The following BAZ2A variants were observed in gnomAD, a reference collection of about 807,000 sequenced individuals.
The protein encoded by BAZ2A is bromodomain adjacent to zinc finger domain protein 2A.
A neutral mutation model predicts 199.9 loss-of-function variants in BAZ2A; 34 were observed. The observed-to-expected ratio is 0.17, with a 90% CI of 0.13 to 0.23. The LOEUF (loss-of-function observed/expected upper bound fraction) is 0.23. Ranked by LOEUF, BAZ2A falls within the 10% of genes least tolerant of loss-of-function variation. The pLI is 1.00. For missense variants in BAZ2A, 2,002 were observed against 2,391.1 expected, an observed-to-expected ratio of 0.84 and a Z score of 3.39; for synonymous variants, 857 against 883.9, an observed-to-expected ratio of 0.97 and a Z score of 0.54.
rs577644544 is a variant in BAZ2A at position 56,601,578 on chromosome 12, G to A, written c.4039C>T (p.Pro1347Ser). 5.6e-6 allele frequency: 9 copies of A among 1,613,588 alleles called. No homozygotes were observed. The African/African-American group carries it at 6.7e-5, about 12-fold the overall frequency. The change falls in exon 20 of 29, where the codon CCC (proline) becomes TCC (serine). Residue 1347 changes from proline (P) to serine (S), a missense_variant. Around this residue, in one of 6 missense-constraint regions of BAZ2A, gnomAD observed 1,081 missense variants for 1,274.7 expected, o/e 0.85. Transcript: ENST00000549884. Reference sequence around the variant, plus strand: ...GAGGAGGCAAGCTGCTGAGGGGAGGGAGTGGGTTGGTCCTCAGAAACTGCA... The same window carrying A: ...GAGGAGGCAAGCTGCTGAGGGGAGGAAGTGGGTTGGTCCTCAGAAACTGCA... ...PPAVSEDQPTPSPQQLASSKP... is the reference protein window; with the variant it reads ...PPAVSEDQPTSSPQQLASSKP...
Position 56,598,287 on chromosome 12 carries a change from G to A in BAZ2A, c.*331C>T. 2 of 286,970 alleles carry A rather than the reference G, an allele frequency of 7.0e-6. No homozygotes were observed. The highest frequency in any genetic ancestry group is 3.8e-5 in the South Asian group (1 of 26,274). 17.8% of individuals were successfully genotyped at this position (286,970 alleles called of 1,614,324 possible). A position where few individuals can be genotyped will look rare whatever the true frequency, so the allele number is the denominator to read the frequency against. ...GGGCACGTACAGGGGAGGAGAGGAA[G>A]CAGGGAGGAGGAAGTAGGGACGACT... On this transcript the variant is annotated 3_prime_UTR_variant, in exon 29 of 29. Coordinates refer to ENST00000549884, the MANE Select transcript of BAZ2A (RefSeq NM_001300905.2).
intron 1 of BAZ2A, among the ~76,000 whole-genome samples, chr12:56,625,249 C>G (rs1385962180): frequency 6.6e-6 from 1 of 150,898 alleles, no homozygotes; most frequent in Non-Finnish European, 1.5e-5. Context: ...TCCATCTCCC[C>G]GGTTCAAGCA....
chr12:56,621,521 C>G (rs184773641), intron 1 of BAZ2A, among the ~76,000 whole-genome samples: 4 of 152,250 alleles, frequency 2.6e-5, no homozygotes, highest in Non-Finnish European at 5.9e-5. Flanking sequence ...TATTTACTAG[C>G]TAGCTGTTTA....
upstream of BAZ2A, among the ~76,000 whole-genome samples, chr12:56,631,906 C>G (rs1951322448): frequency 6.6e-6 from 1 of 152,016 alleles, no homozygotes; most frequent in Admixed American, 6.6e-5. Context: ...CACCCCTCCA[C>G]CCCCCCACTA....
Position 56,600,764 on chromosome 12 carries a change from T to C in BAZ2A, c.4519A>G (p.Lys1507Glu). 6.2e-7 allele frequency: 1 copy of C among 1,613,862 alleles called. No homozygotes were observed. Among genetic ancestry groups the C allele is most frequent in the East Asian group, 2.2e-5 (1 of 44,876 alleles). Residue 1507 changes from lysine (K) to glutamate (E), a missense_variant, in exon 23 of 29, where the codon AAG becomes GAG. Lys to Glu is a moderately conservative substitution (Grantham distance 56). Coordinates refer to ENST00000549884, the MANE Select transcript of BAZ2A (RefSeq NM_001300905.2). ...ACTGCTAGGTCTGTCTCGTATGTCT[T>C]CTCTTTGGGGGACCAGCTCATAATC... ...EGIMSWSPKEKTYETDLAVLQ... is the reference protein window; with the variant it reads ...EGIMSWSPKEETYETDLAVLQ...
chr12:56,617,907 A>G (rs560026775), intron 1 of BAZ2A, among the ~76,000 whole-genome samples: 1 of 152,324 alleles, frequency 6.6e-6, no homozygotes, highest in East Asian at 1.9e-4. Context: ...TTTTGTTTTT[A>G]TCCCCAAGGT....
chr12:56,606,105 C>T (rs1484002825), intron 12 of BAZ2A, 42 bp from the exon 13 acceptor site: 3 of 1,550,656 alleles, frequency 1.9e-6, no homozygotes, highest in East Asian at 2.4e-5. Flanking sequence ...ATAAAGATAT[C>T]AGTCACTATC....
intron 2 of BAZ2A, among the ~76,000 whole-genome samples, chr12:56,616,996 C>T (rs566562424): frequency 6.6e-6 from 1 of 152,312 alleles, no homozygotes; most frequent in South Asian, 2.1e-4. Flanking sequence ...CTGCCTTTCT[C>T]TGATGTACAA....
intron 7 of BAZ2A, among the ~76,000 whole-genome samples, chr12:56,610,736 A>G (rs1360504504): frequency 6.6e-6 from 1 of 152,042 alleles, no homozygotes; most frequent in South Asian, 2.1e-4. Flanking sequence ...ACTACACCAA[A>G]CTGCACAAGC....
chr12:56,635,356 T>G lies in BAZ2A; in HGVS notation c.4+826A>C, dbSNP rs1306577354. Among the ~76,000 whole-genome samples the G allele has an allele frequency of 6.6e-6, 1 of 151,918 alleles. No individual in the cohort carries two copies. The highest frequency in any genetic ancestry group is 1.5e-5 in the Non-Finnish European group (1 of 67,912). ...GCCGGGGAAGGCAGAAAGAGCTACA[T>G]GGGCTCCTAGGAGGCCTAGGGGTGC... On this transcript the variant is annotated intron_variant, in intron 1 of 29. Coordinates refer to the BAZ2A transcript ENST00000379441. This position sits in a 1 kb window ranked among gnomAD's most constrained non-coding sequence, Gnocchi z 4.1.
Position 56,601,896 on chromosome 12 carries a change from ACTGAAGCTGAAG to A in BAZ2A, c.3709_3720del (p.Leu1237_Gln1240del), listed in dbSNP as rs747483944. ...TCTTGCTCCAGGAACCCCTTATGGG[ACTGAAGCTGAAG>A]CTGAAGCTGAGGCTGGGGCTGGGCA... On this transcript the variant is annotated inframe_deletion, in exon 20 of 29. Transcript: ENST00000549884. The A allele has an allele frequency of 4.2e-5, 67 of 1,611,078 alleles. No homozygotes were observed. Among genetic ancestry groups the A allele is most frequent in the Middle Eastern group, 3.3e-4 (2 of 6,084 alleles).
rs374665531 is a variant in BAZ2A, at chr12:56,603,543, G to A, written c.3196C>T (p.Arg1066Cys). 1.5e-5 allele frequency: 24 copies of A among 1,613,838 alleles called. No individual in the cohort carries two copies. The highest frequency in any genetic ancestry group is 1.6e-4 in the Middle Eastern group (1 of 6,084). The change falls in exon 17 of 29, where the codon CGC becomes TGC. Residue 1066 changes from arginine to cysteine, a missense_variant. By Grantham distance (180) the Arg-to-Cys change is radical. Coordinates refer to ENST00000549884, the MANE Select transcript of BAZ2A (RefSeq NM_001300905.2). ...ACCTCTCCATCTCTTCGACCCCTGC[G>A]GCCAGGGACAGCTGCTATAGACTCC... is the stretch of plus-strand genomic sequence containing the variant. ...EEESIAAVPG[R>C]RGRRDGEVDA...
upstream of BAZ2A, among the ~76,000 whole-genome samples, chr12:56,634,287 C>T (rs928610402): frequency 2.0e-5 from 3 of 152,152 alleles, no homozygotes; most frequent in Non-Finnish European, 4.4e-5. Flanking sequence ...CCCTGAAGCA[C>T]AAGATTCCGG....
chr12:56,615,648 G>A (rs1463302776), intron 2 of BAZ2A, 41 bp from the exon 3 acceptor site: 18 of 1,430,766 alleles, frequency 1.3e-5, no homozygotes, highest in Non-Finnish European at 1.6e-5. Context: ...CAGATATGTA[G>A]GCAAGCAACT....
Position 56,600,359 on chromosome 12 carries a change from G to T in BAZ2A, c.4734C>A (p.Thr1578=). 6.2e-7 allele frequency: 1 copy of T among 1,613,986 alleles called. No homozygotes were observed. Residue 1578 remains threonine, a synonymous_variant, in exon 24 of 29, where the codon ACC becomes ACA. Coordinates refer to ENST00000549884, the MANE Select transcript of BAZ2A (RefSeq NM_001300905.2). ...GCATCACAGCCAGGTCCAAAGGGTT[G>T]GTAGTTTTACGCTGAGGTGCCAGTC... ...REGLAPQRKT[T]NPLDLAVMRL... is the part of the protein sequence containing the mutation.
intron 7 of BAZ2A, among the ~76,000 whole-genome samples, chr12:56,610,765 C>T (rs1950535519): frequency 6.6e-6 from 1 of 152,214 alleles, no homozygotes; most frequent in Non-Finnish European, 1.5e-5. Context: ...ATCTCCATCC[C>T]TCCTTTACAA....
rs561675168 is a variant in BAZ2A, at chr12:56,595,816, C to G, written c.*2802G>C. On this transcript the variant is annotated 3_prime_UTR_variant, in exon 29 of 29. Transcript: ENST00000549884. ...TTCCATCCACACAGAGGGTATGGAACAGGAGCCCCTGTTGTTCCCTTGCCT... is the reference window on the plus strand; with the variant it reads ...TTCCATCCACACAGAGGGTATGGAAGAGGAGCCCCTGTTGTTCCCTTGCCT... 1 of 152,716 alleles carries G rather than the reference C, an allele frequency of 6.5e-6. No homozygotes were observed. Among genetic ancestry groups the G allele is most frequent in the South Asian group, 2.1e-4 (1 of 4,828 alleles). The allele number at this position is 152,716 out of a possible 1,614,324, so 9.5% of individuals were successfully genotyped here. A position where few individuals can be genotyped will look rare whatever the true frequency, so the allele number is the denominator to read the frequency against.
At chr12:56,611,087 G>A (rs1240984946) in intron 7 of BAZ2A, among the ~76,000 whole-genome samples, 1 of 152,174 alleles carries the variant, frequency 6.6e-6, no homozygotes, top group Non-Finnish European at 1.5e-5. Context: ...GGGCAGGGGT[G>A]GGGAAGATCC....
intron 2 of BAZ2A, among the ~76,000 whole-genome samples, 169 bp from the exon 3 acceptor site, chr12:56,615,776 G>C (rs528751499): frequency 5.3e-5 from 8 of 152,284 alleles, no homozygotes; most frequent in African/African-American, 1.7e-4. Flanking sequence ...AAGCCCAGAG[G>C]CTCCTGGATG....
Sources: allele counts gnomAD v4.1 joint callset (sites outside exome capture counted in the v4.1 genomes callset), GRCh38; gene constraint gnomAD v4.1.1; regional missense constraint gnomAD v4.1.1; non-coding constraint Gnocchi (gnomAD v3.1); transcripts MANE v1.5; gene names NCBI Gene and HGNC (gene_info 2026-07-23, HGNC 2026-07-21).